The following NDUFB5 variants were observed in gnomAD, a reference collection of about 807,000 sequenced individuals.
The protein encoded by NDUFB5 is NADH dehydrogenase [ubiquinone] 1 beta subcomplex subunit 5, mitochondrial.
In NDUFB5, 19 loss-of-function variants were observed where a neutral mutation model predicts 19.4. That is an observed-to-expected ratio of 0.98 (90% confidence interval 0.68 to 1.43). The LOEUF (loss-of-function observed/expected upper bound fraction) is 1.43. Among genes scored for constraint, NDUFB5 ranks in the 40% most tolerant of loss-of-function variants. NDUFB5 has a pLI of 0.00. For synonymous variants in NDUFB5, 80 were observed against 82.6 expected (o/e 0.97, Z 0.17); for missense variants, 233 against 236.5 (o/e 0.99, Z 0.10).
At chr3:179,611,214 T>C (rs1719231755) in intron 1 of NDUFB5, among the ~76,000 whole-genome samples, 1 of 152,160 alleles carries the variant, frequency 6.6e-6, no homozygotes, top group African/African-American at 2.4e-5. Flanking sequence ...ATAGGGGATG[T>C]TGATTACCTA....
At chr3:179,618,569 G>A in intron 5 of NDUFB5, 48 bp downstream of exon 5, 2 of 1,239,490 alleles carry the variant, frequency 1.6e-6, no homozygotes, top group Non-Finnish European at 2.3e-6. Context: ...TCCTAAGGTA[G>A]CAAACCACCA....
chr3:179,626,897 G>A lies in NDUFB5; in HGVS notation c.*2857G>A, dbSNP rs1157562072. On this transcript the variant is annotated 3_prime_UTR_variant, in exon 6 of 6. Coordinates refer to ENST00000259037, the MANE Select transcript of NDUFB5 (RefSeq NM_002492.4). ...TTGTTTGAGTTCCTTATATATTCTG[G>A]TTATGAATCCCTTGTTAGATGGTGT... 1 of 152,104 alleles carries A rather than the reference G, an allele frequency of 6.6e-6. No individual in the cohort carries two copies. Among genetic ancestry groups the A allele is most frequent in the Non-Finnish European group, 1.5e-5 (1 of 68,036 alleles). The allele number at this position is 152,104 out of a possible 1,614,324, so 9.4% of individuals were successfully genotyped here.
At position 179,627,572 on chromosome 3, in the gene NDUFB5, G is replaced by T. The variant is rs1037472785; in HGVS notation, c.*3532G>T. On this transcript the variant is annotated 3_prime_UTR_variant, in exon 6 of 6. Coordinates refer to ENST00000259037, the MANE Select transcript of NDUFB5 (RefSeq NM_002492.4). ...TGCTTAAAAGCTAACTTAACTCTTT[G>T]TTCAGGGCTCAGTCCTTTGGATGTT... The T allele has an allele frequency of 1.3e-5, 2 of 152,102 alleles. No individual in the cohort carries two copies. The highest frequency in any genetic ancestry group is 2.4e-5 in the African/African-American group (1 of 41,372). The allele number at this position is 152,102 out of a possible 1,614,324, so 9.4% of individuals were successfully genotyped here.
At chr3:179,612,418 A>G (rs967003527) in intron 1 of NDUFB5, among the ~76,000 whole-genome samples, 4 of 151,584 alleles carry the variant, frequency 2.6e-5, no homozygotes, top group Admixed American at 1.3e-4. Context: ...TTGTTTAATA[A>G]TTGGGTAATA....
In NDUFB5 at chr3:179,626,842, T is replaced by C. The variant is rs1039961148; in HGVS notation, c.*2802T>C. The C allele has an allele frequency of 2.0e-5, 3 of 152,262 alleles. No individual in the cohort carries two copies. The highest frequency in any genetic ancestry group is 4.4e-5 in the Non-Finnish European group (3 of 68,076). 9.4% of individuals were successfully genotyped at this position (152,262 alleles called of 1,614,324 possible). A position where few individuals can be genotyped will look rare whatever the true frequency, so the allele number is the denominator to read the frequency against. The stretch of plus-strand genomic sequence containing the variant: ...CACTGCGCCCAGCCTGTCCATTTTT[T>C]AATCAGGTTATGGGTTTTTTGCTAT... On this transcript the variant is annotated 3_prime_UTR_variant, in exon 6 of 6. Transcript: ENST00000259037.
rs1719558965 is a variant in NDUFB5, at chr3:179,622,300, T to C, written c.450-1620T>C. On this transcript the variant is annotated intron_variant, in intron 5 of 5. Coordinates refer to ENST00000259037, the MANE Select transcript of NDUFB5 (RefSeq NM_002492.4). ...AGTCAGCTTGCCCAGCCTGTTTTTGTCTTTTGTTTTGTTTTTGTTTTTTTT... is the reference window on the plus strand; with the variant it reads ...AGTCAGCTTGCCCAGCCTGTTTTTGCCTTTTGTTTTGTTTTTGTTTTTTTT... Among the ~76,000 whole-genome samples the C allele has an allele frequency of 2.0e-5, 3 of 151,896 alleles. No homozygotes were observed. In the South Asian group the frequency reaches 6.2e-4, roughly 32 times the overall value.
chr3:179,611,081 G>A (rs1241358954), intron 1 of NDUFB5, among the ~76,000 whole-genome samples: 2 of 152,188 alleles, frequency 1.3e-5, no homozygotes, highest in Admixed American at 6.5e-5. Context: ...AATTGGGGGA[G>A]GGGAGGGACT....
In NDUFB5 at chr3:179,604,805, C is replaced by T; in HGVS notation, c.-11C>T. The stretch of plus-strand genomic sequence containing the variant: ...GACCCGCCTCCCTTCTTCCTCCTGC[C>T]CGTAGTAGCCATGGCGGCCATGAGT... On this transcript the variant is annotated 5_prime_UTR_variant, in exon 1 of 6. Coordinates refer to ENST00000259037, the MANE Select transcript of NDUFB5 (RefSeq NM_002492.4). 1 of 1,609,258 alleles carries T rather than the reference C, an allele frequency of 6.2e-7. No individual in the cohort carries two copies. The highest frequency in any genetic ancestry group is 8.5e-7 in the Non-Finnish European group (1 of 1,178,786).
rs539776656 is a variant in NDUFB5 at position 179,626,235 on chromosome 3, G to A, written c.*2195G>A. Reference sequence around the variant, plus strand: ...ATTCATATGTCTTCCTTTGAGAAATGTCTATACAGATCTCTGGCCCTTTTT... The same window carrying A: ...ATTCATATGTCTTCCTTTGAGAAATATCTATACAGATCTCTGGCCCTTTTT... On this transcript the variant is annotated 3_prime_UTR_variant, in exon 6 of 6. Coordinates refer to ENST00000259037, the MANE Select transcript of NDUFB5 (RefSeq NM_002492.4). 4 of 151,588 alleles carry A rather than the reference G, an allele frequency of 2.6e-5. No homozygotes were observed. Among genetic ancestry groups the A allele is most frequent in the Non-Finnish European group, 5.9e-5 (4 of 67,940 alleles). The allele number at this position is 151,588 out of a possible 1,614,324, so 9.4% of individuals were successfully genotyped here.
intron 1 of NDUFB5, among the ~76,000 whole-genome samples, chr3:179,609,589 G>C (rs1487420806): frequency 1.3e-5 from 2 of 152,136 alleles, no homozygotes; most frequent in African/African-American, 2.4e-5. Context: ...CCTCCACCTG[G>C]GGCCCCTTCC....
intron 1 of NDUFB5, among the ~76,000 whole-genome samples, chr3:179,611,258 G>C (rs1479560494): frequency 6.6e-6 from 1 of 152,186 alleles, no homozygotes; most frequent in East Asian, 1.9e-4. Flanking sequence ...GGAATGAAAT[G>C]GAGAATTTAA....
chr3:179,613,380 A>G (rs1012143472), intron 1 of NDUFB5, among the ~76,000 whole-genome samples: 2 of 151,954 alleles, frequency 1.3e-5, no homozygotes, highest in Non-Finnish European at 2.9e-5. Flanking sequence ...CTTCTGGGCC[A>G]CTGTATCCTA....
chr3:179,606,825 G>A (rs1719115266), intron 1 of NDUFB5, among the ~76,000 whole-genome samples: 1 of 152,118 alleles, frequency 6.6e-6, no homozygotes, highest in African/African-American at 2.4e-5. Flanking sequence ...AGTTTAATTT[G>A]AATTATGCCA....
At position 179,604,794 on chromosome 3, in the gene NDUFB5, C is replaced by T. The variant is rs200272715; in HGVS notation, c.-22C>T. On this transcript the variant is annotated 5_prime_UTR_variant, in exon 1 of 6. Transcript: ENST00000259037. ...TCAGCTTCCGTGACCCGCCTCCCTT[C>T]TTCCTCCTGCCCGTAGTAGCCATGG... 9 of 1,609,294 alleles carry T rather than the reference C, an allele frequency of 5.6e-6. No homozygotes were observed. Among genetic ancestry groups the T allele is most frequent in the African/African-American group, 2.7e-5 (2 of 74,652 alleles).
chr3:179,618,641 A>G (rs1463262376), intron 5 of NDUFB5, 120 bp downstream of exon 5: 7 of 670,844 alleles, frequency 1.0e-5, no homozygotes, highest in Non-Finnish European at 1.8e-5. Context: ...AAAAGGATAA[A>G]GATACGTCCA....
At chr3:179,611,472 G>C (rs1398195230) in intron 1 of NDUFB5, among the ~76,000 whole-genome samples, 1 of 151,958 alleles carries the variant, frequency 6.6e-6, no homozygotes, top group Non-Finnish European at 1.5e-5. Flanking sequence ...GAGTGTAGTG[G>C]CGCGATCTTG....
In NDUFB5 at chr3:179,615,005, A is replaced by C; in HGVS notation, c.159A>C (p.Arg53Ser). Residue 53 changes from arginine (R) to serine (S), a missense_variant, in exon 2 of 6, where the codon AGA (arginine) becomes AGC (serine). Transcript: ENST00000259037. ...PVRHSGDHGKRLFVIRPSRFY... is the reference protein window; with the variant it reads ...PVRHSGDHGKSLFVIRPSRFY... ...GACACAGTGGAGACCATGGGAAAAG[A>C]CTATTTGTCATCAGACCTTCTAGAT... 1 of 1,610,316 alleles carries C rather than the reference A, an allele frequency of 6.2e-7. No individual in the cohort carries two copies. The highest frequency in any genetic ancestry group is 1.1e-5 in the South Asian group (1 of 90,564).
Position 179,604,908 on chromosome 3 carries a change from C to A in NDUFB5, c.93C>A (p.Gly31=). 1 of 1,590,052 alleles carries A rather than the reference C, an allele frequency of 6.3e-7. No homozygotes were observed. Residue 31 remains glycine, a synonymous_variant, in exon 1 of 6, where the codon GGC becomes GGA. Transcript: ENST00000259037. ...TTGGCACTCGCCTCGGATTTGGGGG[C>A]TTCCTCACTCGTGGCTTTCCGAAGG... The part of the protein sequence containing the change: ...RPLGTRLGFG[G]FLTRGFPKAA...
chr3:179,623,878 G>A, intron 5 of NDUFB5, 42 bp from the exon 6 acceptor site: 2 of 1,609,808 alleles, frequency 1.2e-6, no homozygotes, highest in Non-Finnish European at 1.7e-6. Flanking sequence ...ATTTATAATT[G>A]GAAGTGCTGG....
Sources: allele counts gnomAD v4.1 joint callset (sites outside exome capture counted in the v4.1 genomes callset), GRCh38; gene constraint gnomAD v4.1.1; transcripts MANE v1.5; gene names NCBI Gene and HGNC (gene_info 2026-07-23, HGNC 2026-07-21).